HERC4: variants seen among roughly 807,000 people sequenced by gnomAD.
HERC4 encodes probable E3 ubiquitin-protein ligase HERC4.
A neutral mutation model predicts 124.3 loss-of-function variants in HERC4; 28 were observed. The ratio of observed to expected loss-of-function variants is 0.23; its 90% confidence interval spans 0.17 to 0.31. The LOEUF (loss-of-function observed/expected upper bound fraction) is 0.31, where lower values mean the gene tolerates loss of function less well. Among genes scored for constraint, HERC4 ranks in the 10% least tolerant of loss-of-function variants. HERC4 has a pLI of 1.00. For missense variants in HERC4, 713 were observed against 1,229.3 expected, an observed-to-expected ratio of 0.58 and a Z score of 6.28; for synonymous variants, 407 against 421.5, an observed-to-expected ratio of 0.97 and a Z score of 0.42.
intron 19 of HERC4, among the ~76,000 whole-genome samples, chr10:67,944,210 G>A (rs535207954): frequency 6.6e-6 from 1 of 152,340 alleles, no homozygotes; most frequent in East Asian, 1.9e-4. Context: ...CTACAAAGGT[G>A]CTGGCTGGTG....
At chr10:67,938,246 T>C (rs1165979979) in intron 21 of HERC4, among the ~76,000 whole-genome samples, 1 of 150,550 alleles carries the variant, frequency 6.6e-6, no homozygotes, top group Non-Finnish European at 1.5e-5. Context: ...ATTGGGACCA[T>C]CCTGGCCAAC....
chr10:68,030,416 G>A (rs1009440917), intron 7 of HERC4, among the ~76,000 whole-genome samples: 2 of 152,168 alleles, frequency 1.3e-5, no homozygotes, highest in African/African-American at 4.8e-5. Context: ...ACTCCAGCCT[G>A]GGTGACAGAG....
intron 15 of HERC4, among the ~76,000 whole-genome samples, chr10:67,987,304 G>A (rs2036317808): frequency 6.6e-6 from 1 of 152,004 alleles, no homozygotes; most frequent in South Asian, 2.1e-4. Flanking sequence ...TTTTCTCGAG[G>A]TAAAAGACAC....
chr10:68,015,433 G>A (rs73263262), intron 8 of HERC4, among the ~76,000 whole-genome samples: 11,955 of 152,190 alleles, frequency 0.079, 1,233 homozygotes, highest in African/African-American at 0.24. Flanking sequence ...TTTTGGAGTC[G>A]TTCTGTTTAG....
At chr10:67,965,063 C>T (rs531055546) in intron 16 of HERC4, 145 of 152,472 alleles carry the variant, frequency 9.5e-4, no homozygotes, top group Non-Finnish European at 1.6e-3. Flanking sequence ...TGAGCCACCA[C>T]ACCTGGCCTA....
chr10:68,062,655 G>A (rs909570296), intron 3 of HERC4, among the ~76,000 whole-genome samples: 5 of 151,940 alleles, frequency 3.3e-5, no homozygotes, highest in African/African-American at 9.7e-5. Context: ...AGCTACTCAG[G>A]AGGCTGAGGC....
intron 19 of HERC4, among the ~76,000 whole-genome samples, chr10:67,952,344 C>T (rs925820896): frequency 1.3e-5 from 2 of 152,048 alleles, no homozygotes; most frequent in Non-Finnish European, 2.9e-5. Context: ...AGTGCAGTGG[C>T]GCGACCTTGG....
At chr10:67,992,817 A>T in intron 9 of HERC4, 135 bp from the exon 10 acceptor site, 1 of 583,882 alleles carries the variant, frequency 1.7e-6, no homozygotes, top group Non-Finnish European at 3.1e-6. Flanking sequence ...GTATAAAGTG[A>T]CTTGAAATAT....
intron 23 of HERC4, among the ~76,000 whole-genome samples, chr10:67,927,405 TATATATATATATATA>T (rs2031160397): frequency 5.5e-4 from 6 of 10,970 alleles, no homozygotes; most frequent in African/African-American, 1.5e-3. Flanking sequence ...TATATATATA[TATATATATATATATA>T]TATATATATA....
At chr10:68,056,631 T>A (rs1397317864) in intron 3 of HERC4, among the ~76,000 whole-genome samples, 1 of 152,102 alleles carries the variant, frequency 6.6e-6, no homozygotes, top group Non-Finnish European at 1.5e-5. Context: ...ACAGAGAAAC[T>A]GAAATATACC....
At chr10:67,979,794 G>A (rs898464115) in intron 15 of HERC4, among the ~76,000 whole-genome samples, 57 of 152,042 alleles carry the variant, frequency 3.7e-4, no homozygotes, top group African/African-American at 1.2e-3. Context: ...AAAATTAGCC[G>A]GGTGTGGCGG....
intron 21 of HERC4, among the ~76,000 whole-genome samples, chr10:67,939,000 TGC>T (rs898117561): frequency 6.6e-6 from 1 of 152,182 alleles, no homozygotes; most frequent in Non-Finnish European, 1.5e-5. Flanking sequence ...AATGAAATTG[TGC>T]ATCTTTTACA....
intron 3 of HERC4, among the ~76,000 whole-genome samples, chr10:68,059,941 AATATT>A (rs1036251986): frequency 9.5e-5 from 12 of 126,824 alleles, no homozygotes; most frequent in Non-Finnish European, 1.6e-4. Context: ...ATATTATAAT[AATATT>A]ATATTATATT....
At chr10:68,049,875 C>T (rs909919205) in intron 3 of HERC4, among the ~76,000 whole-genome samples, 4 of 152,104 alleles carry the variant, frequency 2.6e-5, no homozygotes, top group Admixed American at 2.6e-4. Flanking sequence ...TGTGCCACTG[C>T]ACTCAAGCCT....
At chr10:68,013,478 A>G (rs531272728) in intron 9 of HERC4, among the ~76,000 whole-genome samples, 1 of 152,340 alleles carries the variant, frequency 6.6e-6, no homozygotes, top group African/African-American at 2.4e-5. Context: ...TGAGTCACAA[A>G]AAGAAACACT....
chr10:68,069,626 G>C (rs2041469641), intron 3 of HERC4: 29 of 985,076 alleles, frequency 2.9e-5, no homozygotes, highest in Non-Finnish European at 3.5e-5. Flanking sequence ...CCTTAATAAG[G>C]CTACCTCTTT....
At chr10:67,984,593 CTTTT>C (rs1207956611) in intron 15 of HERC4, among the ~76,000 whole-genome samples, 1 of 151,590 alleles carries the variant, frequency 6.6e-6, no homozygotes, top group Non-Finnish European at 1.5e-5. Context: ...CTAGGTTTTT[CTTTT>C]TTTGAGACAG....
At chr10:68,074,832 C>G (rs2041734545) in intron 1 of HERC4, 1 of 152,706 alleles carries the variant, frequency 6.5e-6, no homozygotes, top group South Asian at 2.1e-4. Flanking sequence ...GCCCCTCACC[C>G]CCAGGAAGCG....
chr10:67,934,477 T>G (rs1369911694), intron 22 of HERC4, among the ~76,000 whole-genome samples: 2 of 152,194 alleles, frequency 1.3e-5, no homozygotes, highest in African/African-American at 4.8e-5. Context: ...AAAGAATCTT[T>G]GCTTGTTTGA....
Sources: allele counts gnomAD v4.1 joint callset (sites outside exome capture counted in the v4.1 genomes callset), GRCh38; gene constraint gnomAD v4.1.1; transcripts MANE v1.5; gene names NCBI Gene and HGNC (gene_info 2026-07-23, HGNC 2026-07-21).